ENTREP2: variants seen among roughly 807,000 people sequenced by gnomAD.
ENTREP2 encodes the protein endosomal transmembrane epsin interactor 2.
the ENTREP2 span, among the ~76,000 whole-genome samples, chr15:29,458,657 A>T: frequency 6.6e-6 from 1 of 152,172 alleles, no homozygotes. Flanking sequence ...CAGTCGACCC[A>T]ACTTCTCCAG....
At chr15:29,412,464 A>G in the ENTREP2 span, among the ~76,000 whole-genome samples, 1 of 152,252 alleles carries the variant, frequency 6.6e-6, no homozygotes, top group East Asian at 1.9e-4. Flanking sequence ...TTGATTGTAG[A>G]TGGCTTATTC....
the ENTREP2 span, among the ~76,000 whole-genome samples, chr15:29,478,005 A>ATT: frequency 9.5e-5 from 7 of 73,792 alleles, no homozygotes; most frequent in African/African-American, 1.7e-4. Flanking sequence ...ATATATATAT[A>ATT]TATATATATA....
the ENTREP2 span, among the ~76,000 whole-genome samples, chr15:29,417,109 T>C: frequency 6.6e-6 from 1 of 152,138 alleles, no homozygotes; most frequent in Non-Finnish European, 1.5e-5. Context: ...GATCTAGAAC[T>C]AGAAATACTA....
the ENTREP2 span, among the ~76,000 whole-genome samples, chr15:29,475,060 C>T: frequency 6.6e-6 from 1 of 152,026 alleles, no homozygotes; most frequent in Admixed American, 6.6e-5. Flanking sequence ...TTCTGGCCCT[C>T]CACCATAAAA....
chr15:29,141,635 G>C, the ENTREP2 span, among the ~76,000 whole-genome samples: 13 of 152,292 alleles, frequency 8.5e-5, no homozygotes, highest in Non-Finnish European at 1.5e-5. Context: ...CAATGTCCTT[G>C]CCACATCCTG....
chr15:29,541,828 G>A, the ENTREP2 span, among the ~76,000 whole-genome samples: 1 of 152,174 alleles, frequency 6.6e-6, no homozygotes, highest in African/African-American at 2.4e-5. Flanking sequence ...GGAAGAAAGG[G>A]AAGGGCTTTA....
chr15:29,269,654 C>G, the ENTREP2 span: 1 of 1,568,474 alleles, frequency 6.4e-7, no homozygotes, highest in African/African-American at 1.4e-5. Context: ...CAGTCTCTGT[C>G]CCTCTCGGCC....
At chr15:29,429,523 T>C in the ENTREP2 span, among the ~76,000 whole-genome samples, 2 of 152,174 alleles carry the variant, frequency 1.3e-5, no homozygotes, top group African/African-American at 4.8e-5. Flanking sequence ...GGCCAGCCAA[T>C]ATTTAATTTT....
the ENTREP2 span, among the ~76,000 whole-genome samples, chr15:29,533,639 G>A: frequency 1.3e-5 from 2 of 152,034 alleles, no homozygotes; most frequent in African/African-American, 4.8e-5. Context: ...TGCCCATAAG[G>A]TCCATTGTAG....
chr15:29,583,720 T>G, the ENTREP2 span, among the ~76,000 whole-genome samples: 2 of 152,226 alleles, frequency 1.3e-5, no homozygotes, highest in African/African-American at 4.8e-5. Flanking sequence ...CAAGGAATCT[T>G]GTTCCCCATA....
At chr15:29,387,581 G>A in the ENTREP2 span, among the ~76,000 whole-genome samples, 1 of 152,138 alleles carries the variant, frequency 6.6e-6, no homozygotes, top group African/African-American at 2.4e-5. Context: ...TCCCCATCAA[G>A]CTACCAATGA....
the ENTREP2 span, among the ~76,000 whole-genome samples, chr15:29,640,245 A>G: frequency 6.6e-6 from 1 of 152,232 alleles, no homozygotes; most frequent in African/African-American, 2.4e-5. Context: ...GTATGCCAAC[A>G]AATTAGATGA....
the ENTREP2 span, among the ~76,000 whole-genome samples, chr15:29,629,688 T>A: frequency 6.6e-6 from 1 of 152,230 alleles, no homozygotes; most frequent in African/African-American, 2.4e-5. Flanking sequence ...TATAATTGCA[T>A]AAGGAGAAGG....
the ENTREP2 span, among the ~76,000 whole-genome samples, chr15:29,205,579 G>A: frequency 7.9e-5 from 12 of 152,124 alleles, no homozygotes; most frequent in African/African-American, 2.9e-4. Flanking sequence ...TAGTGATGTT[G>A]TGCACCTTTT....
the ENTREP2 span, among the ~76,000 whole-genome samples, chr15:29,597,128 C>T: frequency 6.6e-6 from 1 of 151,958 alleles, no homozygotes; most frequent in Non-Finnish European, 1.5e-5. Context: ...ATTCAATCAT[C>T]CCCCCAACTT....
the ENTREP2 span, among the ~76,000 whole-genome samples, chr15:29,192,886 TA>T: frequency 6.6e-6 from 1 of 152,064 alleles, no homozygotes; most frequent in Admixed American, 6.5e-5. Context: ...GCAGACGTAG[TA>T]AAAGACTGAT....
chr15:29,560,548 G>A, the ENTREP2 span, among the ~76,000 whole-genome samples: 1 of 152,006 alleles, frequency 6.6e-6, no homozygotes, highest in Non-Finnish European at 1.5e-5. Flanking sequence ...TCCCTTGCAG[G>A]GGCACTCACT....
the ENTREP2 span, among the ~76,000 whole-genome samples, chr15:29,126,877 C>T: frequency 6.6e-6 from 1 of 152,200 alleles, no homozygotes; most frequent in Non-Finnish European, 1.5e-5. Flanking sequence ...CCCGCCCTTG[C>T]AGGGGTGCAG....
the ENTREP2 span, among the ~76,000 whole-genome samples, chr15:29,618,040 G>A: frequency 1.3e-5 from 2 of 152,220 alleles, no homozygotes; most frequent in East Asian, 1.9e-4. Flanking sequence ...CCTAATTTTC[G>A]TGGGCTGCCT....
Sources: gnomAD v4.1 joint callset for allele counts (sites outside exome capture counted in the v4.1 genomes callset) on GRCh38, gnomAD v4.1.1 for gene constraint, MANE v1.5 for transcripts, NCBI Gene and HGNC (gene_info 2026-07-23, HGNC 2026-07-21) for gene names.